The following MARCHF7 variants were observed in gnomAD, a reference collection of about 807,000 sequenced individuals.
MARCHF7 encodes E3 ubiquitin-protein ligase MARCHF7.
In MARCHF7, 20 loss-of-function variants were observed where a neutral mutation model predicts 76.5. That is an observed-to-expected ratio of 0.26 (90% CI 0.18 to 0.38). The LOEUF (loss-of-function observed/expected upper bound fraction) is 0.38, where lower values mean the gene tolerates loss of function less well. MARCHF7 is among the 10% of genes least tolerant of loss of function. The probability of loss-of-function intolerance (pLI) is 1.00; values close to 1 mark genes in which losing one functional copy is unlikely to be tolerated. For synonymous variants in MARCHF7, 295 were observed against 293.0 expected, an observed-to-expected ratio of 1.01 and a Z score of -0.07; for missense variants, 797 against 812.9, an observed-to-expected ratio of 0.98 and a Z score of 0.24.
intron 3 of MARCHF7, among the ~76,000 whole-genome samples, chr2:159,726,938 G>A: frequency 6.6e-6 from 1 of 152,178 alleles, no homozygotes; most frequent in East Asian, 1.9e-4. Context: ...GGAACATGCT[G>A]TAAAGATTTG....
At chr2:159,725,923 G>A (rs1286327762) in intron 3 of MARCHF7, among the ~76,000 whole-genome samples, 3 of 152,148 alleles carry the variant, frequency 2.0e-5, no homozygotes, top group South Asian at 2.1e-4. Context: ...CTTATCACGG[G>A]TGTTTGGTGA....
chr2:159,735,758 A>G (rs1468481247), intron 4 of MARCHF7, among the ~76,000 whole-genome samples: 6 of 152,120 alleles, frequency 3.9e-5, no homozygotes, highest in Non-Finnish European at 8.8e-5. Flanking sequence ...CTACCTTCTG[A>G]CTATTATGAA....
chr2:159,746,916 T>G (rs1325977697), intron 6 of MARCHF7, among the ~76,000 whole-genome samples: 1 of 152,214 alleles, frequency 6.6e-6, no homozygotes, highest in Non-Finnish European at 1.5e-5. Flanking sequence ...CTGCTTGGCT[T>G]TGGATGGTAG....
At chr2:159,720,162 A>G (rs1018654909) in intron 3 of MARCHF7, among the ~76,000 whole-genome samples, 1 of 152,158 alleles carries the variant, frequency 6.6e-6, no homozygotes, top group Non-Finnish European at 1.5e-5. Context: ...GGGAGCTAGG[A>G]TTACAGGAAC....
chr2:159,723,564 T>G (rs896607805), intron 3 of MARCHF7, among the ~76,000 whole-genome samples: 2 of 152,194 alleles, frequency 1.3e-5, no homozygotes, highest in African/African-American at 4.8e-5. Flanking sequence ...CTTTTAGGAC[T>G]TACATACTTT....
chr2:159,750,249 C>T (rs3948462), intron 7 of MARCHF7, among the ~76,000 whole-genome samples: 11,335 of 152,148 alleles, frequency 0.074, 872 homozygotes, highest in African/African-American at 0.19. Flanking sequence ...CAGTTTAGGC[C>T]GGGCGCAGTG....
intron 3 of MARCHF7, among the ~76,000 whole-genome samples, chr2:159,719,621 T>A (rs1014110879): frequency 2.0e-5 from 3 of 152,314 alleles, no homozygotes; most frequent in African/African-American, 7.2e-5. Context: ...TTTTTCTAGC[T>A]TATTTCCTCC....
intron 4 of MARCHF7, among the ~76,000 whole-genome samples, chr2:159,731,623 G>T (rs766570004): frequency 6.6e-6 from 1 of 151,574 alleles, no homozygotes; most frequent in Non-Finnish European, 1.5e-5. Flanking sequence ...GCGTGGTGGC[G>T]CATGCCTGTA....
chr2:159,725,964 A>G (rs534989784), intron 3 of MARCHF7, among the ~76,000 whole-genome samples: 3 of 152,230 alleles, frequency 2.0e-5, no homozygotes, highest in Non-Finnish European at 2.9e-5. Flanking sequence ...GTCTCCTGAC[A>G]GCATTGTAGA....
At chr2:159,732,994 G>T in intron 4 of MARCHF7, 3 of 882,386 alleles carry the variant, frequency 3.4e-6, no homozygotes, top group Non-Finnish European at 4.1e-6. Flanking sequence ...TTGGAACAGT[G>T]CCTAGAACAT....
intron 4 of MARCHF7, chr2:159,733,724 G>C: frequency 3.0e-6 from 3 of 985,360 alleles, no homozygotes; most frequent in Non-Finnish European, 3.6e-6. Flanking sequence ...ACCTTATATA[G>C]TGCTTGACAT....
At chr2:159,759,427 C>T in intron 9 of MARCHF7, 92 bp downstream of exon 9, 1 of 556,618 alleles carries the variant, frequency 1.8e-6, no homozygotes. Context: ...AGAAACCTTG[C>T]ATTAAAATAA....
chr2:159,765,252 G>A (rs1208564560), intron 11 of MARCHF7, among the ~76,000 whole-genome samples: 5 of 151,634 alleles, frequency 3.3e-5, no homozygotes, highest in African/African-American at 1.2e-4. Flanking sequence ...TTAATAGGTA[G>A]CCAGCTCTGC....
intron 6 of MARCHF7, among the ~76,000 whole-genome samples, chr2:159,746,601 A>G (rs1704924781): frequency 6.6e-6 from 1 of 152,148 alleles, no homozygotes; most frequent in Admixed American, 6.5e-5. Context: ...GGGTTTCACC[A>G]TGTTGGCCAG....
chr2:159,733,679 C>G, intron 4 of MARCHF7: 1 of 985,298 alleles, frequency 1.0e-6, no homozygotes, highest in Non-Finnish European at 1.2e-6. Flanking sequence ...AGGACATGAT[C>G]AATTTCAGTT....
At chr2:159,736,984 C>T (rs1248456755) in intron 4 of MARCHF7, among the ~76,000 whole-genome samples, 1 of 152,144 alleles carries the variant, frequency 6.6e-6, no homozygotes, top group Non-Finnish European at 1.5e-5. Flanking sequence ...TCACAGATAG[C>T]CTTTTGAATT....
chr2:159,732,311 A>T (rs937282793), intron 4 of MARCHF7, among the ~76,000 whole-genome samples: 1 of 152,176 alleles, frequency 6.6e-6, no homozygotes, highest in African/African-American at 2.4e-5. Flanking sequence ...ATCTTTATTG[A>T]TTCTTAAGAT....
chr2:159,738,594 C>G (rs919238372), intron 4 of MARCHF7, among the ~76,000 whole-genome samples: 1 of 152,136 alleles, frequency 6.6e-6, no homozygotes. Context: ...GTGTAGCTTT[C>G]AGTGGAGAGG....
At chr2:159,745,495 A>C (rs1704744428) in intron 5 of MARCHF7, among the ~76,000 whole-genome samples, 1 of 152,100 alleles carries the variant, frequency 6.6e-6, no homozygotes. Flanking sequence ...TCTTCACTAA[A>C]AATACAAAAA....
Sources: allele counts gnomAD v4.1 joint callset (sites outside exome capture counted in the v4.1 genomes callset), GRCh38; gene constraint gnomAD v4.1.1; transcripts MANE v1.5; gene names NCBI Gene and HGNC (gene_info 2026-07-23, HGNC 2026-07-21).